ACTA2: variants seen among roughly 807,000 people sequenced by gnomAD.
ACTA2 encodes the protein actin, aortic smooth muscle.
Under a neutral mutation model 39.5 loss-of-function variants are expected in ACTA2, and 12 were observed. That is an observed-to-expected ratio of 0.30 (90% CI 0.19 to 0.49). The LOEUF is 0.49. Ranked by LOEUF, ACTA2 falls within the 20% of genes least tolerant of loss-of-function variation. The pLI, the probability that ACTA2 is intolerant of heterozygous loss-of-function variation, is 0.99. For synonymous variants in ACTA2, 158 were observed against 180.6 expected, an observed-to-expected ratio of 0.88 and a Z score of 1.00; for missense variants, 236 against 498.8, an observed-to-expected ratio of 0.47 and a Z score of 5.02.
At chr10:88,986,474 T>A (rs188549542) in intron 1 of ACTA2, among the ~76,000 whole-genome samples, 1 of 152,304 alleles carries the variant, frequency 6.6e-6, no homozygotes, top group Non-Finnish European at 1.5e-5. Flanking sequence ...TTTCAGTCAT[T>A]GCTCAAGAGG....
chr10:88,991,183 T>A lies in ACTA2; in HGVS notation c.-268A>T, dbSNP rs976722346. 4 of 576,488 alleles carry A rather than the reference T, an allele frequency of 6.9e-6. No homozygotes were observed. In the East Asian group the frequency reaches 1.2e-4, roughly 17 times the overall value. The allele number at this position is 576,488 out of a possible 1,614,324, so 35.7% of individuals were successfully genotyped here. A position where few individuals can be genotyped will look rare whatever the true frequency, so the allele number is the denominator to read the frequency against. On this transcript the variant is annotated 5_prime_UTR_variant, in exon 1 of 5. Coordinates refer to the ACTA2 transcript ENST00000415557. Reference sequence around the variant, plus strand: ...TGGGCAGGCGGGGCAGCTCCGGCGCTCCTCGGAGACCACTGCGCTCCACGT... The same window carrying A: ...TGGGCAGGCGGGGCAGCTCCGGCGCACCTCGGAGACCACTGCGCTCCACGT...
intron 3 of ACTA2, among the ~76,000 whole-genome samples, chr10:88,944,852 T>G (rs1026418798): frequency 3.3e-5 from 5 of 152,118 alleles, no homozygotes; most frequent in Non-Finnish European, 2.9e-5. Flanking sequence ...GCACGAAAAT[T>G]CTCCACCAGA....
In ACTA2 at chr10:88,941,825, G is replaced by A; in HGVS notation, c.414C>T (p.Ile138=). The change falls in exon 5 of 9, where the codon ATC becomes ATT. Residue 138 remains isoleucine (I), a synonymous_variant. Transcript: ENST00000224784. ...TFNVPAMYVA[I]QAVLSLYASG... is the part of the protein sequence containing the mutation. ...AGGCATAGAGAGACAGCACCGCCTG[G>A]ATAGCCACATACATGGCTGGGACAT... The A allele has an allele frequency of 3.7e-6, 6 of 1,613,214 alleles. No individual in the cohort carries two copies. In the South Asian group the frequency reaches 4.4e-5, roughly 12 times the overall value.
At chr10:88,944,789 T>A (rs1845916258) in intron 3 of ACTA2, among the ~76,000 whole-genome samples, 2 of 152,222 alleles carry the variant, frequency 1.3e-5, no homozygotes, top group African/African-American at 4.8e-5. Flanking sequence ...AATTCCTAGA[T>A]GCCGAAAAGA....
chr10:88,989,679 G>A (rs1449659581), intron 1 of ACTA2: 12 of 443,104 alleles, frequency 2.7e-5, no homozygotes, highest in Non-Finnish European at 3.1e-5. Context: ...AGAAGAAAAT[G>A]TCAACTGAGA....
intron 3 of ACTA2, among the ~76,000 whole-genome samples, chr10:88,944,691 T>C (rs889390494): frequency 2.0e-5 from 3 of 152,206 alleles, no homozygotes; most frequent in Admixed American, 1.3e-4. Context: ...CTTCAGGTGT[T>C]TCCAAAAGGC....
rs376591116 is a variant in ACTA2, at chr10:88,990,956, G to T, written c.-41C>A. On this transcript the variant is annotated 5_prime_UTR_variant, in exon 1 of 5. Coordinates refer to the ACTA2 transcript ENST00000415557. This position sits in a 1 kb window ranked among gnomAD's most constrained non-coding sequence, Gnocchi z 4.9. ...AGGCTTACCCCGTCTTAGTCCCGGG[G>T]ATAGGCAAAGTGGGGCGGGCGCGGG... The T allele has an allele frequency of 8.1e-6, 13 of 1,613,484 alleles. No homozygotes were observed. The highest frequency in any genetic ancestry group is 1.7e-5 in the Admixed American group (1 of 60,008).
intron 1 of ACTA2, among the ~76,000 whole-genome samples, chr10:88,977,159 G>A (rs4522080): frequency 6.7e-6 from 1 of 149,406 alleles, no homozygotes; most frequent in Non-Finnish European, 1.5e-5. Flanking sequence ...CAGAAGCTCT[G>A]TAGTTTAATT....
intron 1 of ACTA2, among the ~76,000 whole-genome samples, chr10:88,978,966 C>T (rs112802158): frequency 5.3e-5 from 8 of 151,758 alleles, no homozygotes; most frequent in Non-Finnish European, 1.5e-5. Context: ...CACTGCATAG[C>T]ATCTTTTCTA....
chr10:88,952,376 A>G (rs956621137), intron 1 of ACTA2, among the ~76,000 whole-genome samples: 2 of 152,242 alleles, frequency 1.3e-5, no homozygotes, highest in Non-Finnish European at 2.9e-5. Context: ...CTGAGTTTCC[A>G]GTGCCTAAAT....
At chr10:88,951,651 GC>G (rs1425411786) in intron 1 of ACTA2, among the ~76,000 whole-genome samples, 1 of 152,184 alleles carries the variant, frequency 6.6e-6, no homozygotes, top group African/African-American at 2.4e-5. Flanking sequence ...TCGGTTTGGA[GC>G]AAAGCATTTC....
intron 6 of ACTA2, 113 bp downstream of exon 6, chr10:88,941,116 C>T: frequency 2.2e-6 from 3 of 1,336,566 alleles, no homozygotes; most frequent in Non-Finnish European, 3.2e-6. Context: ...TAGAGCCAGG[C>T]CTTGCCATTT....
intron 1 of ACTA2, among the ~76,000 whole-genome samples, chr10:88,983,329 G>A (rs924827694): frequency 2.0e-5 from 3 of 152,070 alleles, no homozygotes; most frequent in Non-Finnish European, 4.4e-5. Flanking sequence ...AAAATAATAT[G>A]ACAAGAGTAT....
At chr10:88,977,074 G>A (rs1378328263) in intron 1 of ACTA2, among the ~76,000 whole-genome samples, 2 of 152,162 alleles carry the variant, frequency 1.3e-5, no homozygotes, top group Admixed American at 6.5e-5. Flanking sequence ...GGACTGAATT[G>A]TTAAAAAATT....
intron 1 of ACTA2, among the ~76,000 whole-genome samples, chr10:88,985,085 A>T (rs1846837495): frequency 6.6e-6 from 1 of 152,218 alleles, no homozygotes; most frequent in Non-Finnish European, 1.5e-5. Flanking sequence ...AAATTGCTAC[A>T]ACAAAATAAT....
intron 1 of ACTA2, among the ~76,000 whole-genome samples, chr10:88,950,715 C>T (rs1034443525): frequency 5.9e-5 from 9 of 152,310 alleles, no homozygotes; most frequent in African/African-American, 1.9e-4. Context: ...GATTTGAGTC[C>T]AGGCTCCAAC....
intron 1 of ACTA2, among the ~76,000 whole-genome samples, chr10:88,966,281 G>A (rs950614198): frequency 6.6e-6 from 1 of 152,172 alleles, no homozygotes; most frequent in East Asian, 1.9e-4. Flanking sequence ...TAGGATCCCA[G>A]GCTTATGTCC....
chr10:88,949,510 G>A (rs1846012296), intron 1 of ACTA2, among the ~76,000 whole-genome samples: 1 of 152,090 alleles, frequency 6.6e-6, no homozygotes, highest in South Asian at 2.1e-4. Context: ...GAATCATGAG[G>A]ACTTTTACTT....
At chr10:88,941,207 C>G in intron 6 of ACTA2, 22 bp downstream of exon 6, 1 of 1,613,558 alleles carries the variant, frequency 6.2e-7, no homozygotes, top group Non-Finnish European at 8.5e-7. Flanking sequence ...CCCCTCTCCC[C>G]CTTATCTCCC....
Sources: gnomAD v4.1 joint callset for allele counts (sites outside exome capture counted in the v4.1 genomes callset) on GRCh38, gnomAD v4.1.1 for gene constraint, Gnocchi (gnomAD v3.1) non-coding constraint, MANE v1.5 for transcripts, NCBI Gene and HGNC (gene_info 2026-07-23, HGNC 2026-07-21) for gene names.